The following APOOL variants were observed in gnomAD, a reference collection of about 807,000 sequenced individuals.
The protein encoded by APOOL is MICOS complex subunit MIC27.
A neutral mutation model predicts 23.1 loss-of-function variants in APOOL; 12 were observed. The ratio of observed to expected loss-of-function variants is 0.52; its 90% CI spans 0.33 to 0.84. The LOEUF (loss-of-function observed/expected upper bound fraction) is 0.84, where lower values mean the gene tolerates loss of function less well. Ranked by LOEUF, APOOL falls within the 40% of genes least tolerant of loss-of-function variation. The pLI is 0.02. For synonymous variants in APOOL, 77 were observed against 69.9 expected (o/e 1.10, Z -0.51); for missense variants, 212 against 199.6 (o/e 1.06, Z -0.37).
chrX:85,013,597 A>G (rs1921363043), intron 1 of APOOL, among the ~76,000 whole-genome samples: 1 of 111,888 alleles, frequency 8.9e-6, no homozygotes, highest in South Asian at 3.7e-4. Context: ...ATTCATTAGT[A>G]GATTATTTAA....
intron 5 of APOOL, among the ~76,000 whole-genome samples, chrX:85,065,882 T>C (rs1464473417): frequency 9.0e-6 from 1 of 111,140 alleles, no homozygotes; most frequent in Non-Finnish European, 1.9e-5. Context: ...ACTTAGGACA[T>C]TTTAATATAC....
At position 85,092,846 on chromosome X, in the gene APOOL, CAAG is replaced by C. The variant is rs760829504; in HGVS notation, c.*5173_*5175del. The C allele has an allele frequency of 4.6e-4, 149 of 324,336 alleles. 1 individual carries two copies. Among genetic ancestry groups the C allele is most frequent in the Non-Finnish European group, 6.2e-4 (117 of 188,011 alleles). The allele number at this position is 324,336 out of a possible 1,213,427, so 26.7% of individuals were successfully genotyped here. ...CATGTTCTCATATGTTTCCAAAATA[CAAG>C]AAGATCTTGCTTTTATAGTCTTGTA... On this transcript the variant is annotated 3_prime_UTR_variant, in exon 9 of 9. Coordinates refer to ENST00000373173, the MANE Select transcript of APOOL (RefSeq NM_198450.6).
chrX:85,039,222 T>G (rs1362851757), intron 1 of APOOL, among the ~76,000 whole-genome samples: 1 of 110,768 alleles, frequency 9.0e-6, no homozygotes, highest in Non-Finnish European at 1.9e-5. Context: ...TTTGAGAGAT[T>G]TTGGTATCGA....
chrX:85,051,880 T>C (rs938966751), intron 3 of APOOL, among the ~76,000 whole-genome samples: 3 of 112,030 alleles, frequency 2.7e-5, no homozygotes, highest in African/African-American at 9.7e-5. Context: ...ATAGGTCAGA[T>C]ATAACTTACT....
chrX:85,005,246 C>T (rs772027372), intron 1 of APOOL, among the ~76,000 whole-genome samples: 12 of 110,771 alleles, frequency 1.1e-4, no homozygotes, highest in Non-Finnish European at 1.9e-4. Flanking sequence ...CGGGTTCAGG[C>T]GATTCTCCTG....
intron 1 of APOOL, among the ~76,000 whole-genome samples, chrX:85,008,618 G>A (rs780788442): frequency 2.9e-5 from 3 of 103,191 alleles, no homozygotes; most frequent in Non-Finnish European, 3.9e-5. Context: ...CAGACACTTC[G>A]ATTAGACACT....
chrX:85,078,807 TC>T (rs774791341), intron 8 of APOOL, among the ~76,000 whole-genome samples: 2 of 111,398 alleles, frequency 1.8e-5, no homozygotes, highest in African/African-American at 3.3e-5. Context: ...GTCCTTCACA[TC>T]CCTTGTAAGT....
At chrX:85,017,762 A>G (rs1921528987) in intron 1 of APOOL, among the ~76,000 whole-genome samples, 1 of 111,247 alleles carries the variant, frequency 9.0e-6, no homozygotes, top group Non-Finnish European at 1.9e-5. Flanking sequence ...CCTGAAATCT[A>G]TTCCAGCTCT....
chrX:85,084,789 T>G (rs761904519), intron 8 of APOOL, among the ~76,000 whole-genome samples: 4 of 111,868 alleles, frequency 3.6e-5, no homozygotes, highest in Admixed American at 9.5e-5. Context: ...TCACCAAACT[T>G]TGAACAAGAA....
intron 2 of APOOL, among the ~76,000 whole-genome samples, chrX:85,047,276 C>T (rs1390679416): frequency 8.9e-6 from 1 of 111,742 alleles, no homozygotes; most frequent in Non-Finnish European, 1.9e-5. Context: ...GCTTTGAGTT[C>T]CTCACTATCA....
intron 1 of APOOL, among the ~76,000 whole-genome samples, chrX:85,024,476 A>G (rs957018497): frequency 8.9e-6 from 1 of 112,268 alleles, no homozygotes; most frequent in Non-Finnish European, 1.9e-5. Flanking sequence ...GTTTTTGATA[A>G]CAATCCGGAG....
chrX:85,068,577 T>C (rs1303417671), intron 6 of APOOL, among the ~76,000 whole-genome samples: 2 of 108,657 alleles, frequency 1.8e-5, no homozygotes, highest in Non-Finnish European at 3.8e-5. Flanking sequence ...AGCTAATTTT[T>C]GTATTTTTAG....
At chrX:85,056,627 C>T (rs965203713) in intron 5 of APOOL, among the ~76,000 whole-genome samples, 2 of 110,541 alleles carry the variant, frequency 1.8e-5, no homozygotes, top group Middle Eastern at 9.3e-3. Context: ...CCTGTAATCC[C>T]AGCTACTCGG....
At chrX:85,062,805 A>T (rs1175398587) in intron 5 of APOOL, among the ~76,000 whole-genome samples, 3 of 111,611 alleles carry the variant, frequency 2.7e-5, no homozygotes, top group Non-Finnish European at 5.6e-5. Context: ...TGATGGCTCC[A>T]ACTTTGTTCT....
intron 1 of APOOL, among the ~76,000 whole-genome samples, chrX:85,009,761 A>G (rs1921213728): frequency 9.0e-6 from 1 of 110,891 alleles, no homozygotes; most frequent in Admixed American, 9.6e-5. Flanking sequence ...CTCATTACCC[A>G]GTAGTTGTCT....
At position 85,090,682 on chromosome X, in the gene APOOL, C is replaced by T. The variant is rs1328302863; in HGVS notation, c.*3004C>T. Reference sequence around the variant, plus strand: ...ATGCTTTGCTCATTATTGCCTCTTTCTCTGCCTGTGCTAGTGTGTCCTCTT... The same window carrying T: ...ATGCTTTGCTCATTATTGCCTCTTTTTCTGCCTGTGCTAGTGTGTCCTCTT... On this transcript the variant is annotated 3_prime_UTR_variant, in exon 9 of 9. Transcript: ENST00000373173. The T allele has an allele frequency of 1.8e-5, 2 of 111,841 alleles. No homozygotes were observed. Among genetic ancestry groups the T allele is most frequent in the Non-Finnish European group, 3.8e-5 (2 of 53,205 alleles). 9.2% of individuals were successfully genotyped at this position (111,841 alleles called of 1,213,427 possible).
At chrX:85,034,621 C>T (rs1281866328) in intron 1 of APOOL, among the ~76,000 whole-genome samples, 1 of 111,423 alleles carries the variant, frequency 9.0e-6, no homozygotes, top group Non-Finnish European at 1.9e-5. Flanking sequence ...CCCTCCCTCC[C>T]CCATCTACTA....
rs967672121 is a variant in APOOL at position 85,054,269 on chromosome X, A to C, written c.241-75A>C. 3.4e-5 allele frequency: 31 copies of C among 917,065 alleles called. No homozygotes were observed. In the Admixed American group the frequency reaches 9.9e-4, roughly 29 times the overall value. The allele number at this position is 917,065 out of a possible 1,213,427, so 75.6% of individuals were successfully genotyped here. A position where few individuals can be genotyped will look rare whatever the true frequency, so the allele number is the denominator to read the frequency against. On this transcript the variant is annotated intron_variant, in intron 3 of 8. Coordinates refer to ENST00000373173, the MANE Select transcript of APOOL (RefSeq NM_198450.6). ...AGTCAACCTTTTAATATAATCTCAG[A>C]GATGCAGGCAATTTTATCTCATTAT...
intron 8 of APOOL, among the ~76,000 whole-genome samples, chrX:85,075,808 A>G (rs902936980): frequency 3.9e-4 from 44 of 111,654 alleles, no homozygotes; most frequent in African/African-American, 1.3e-3. Context: ...AAAGCATTCT[A>G]TGGAGACAAT....
Sources: allele counts gnomAD v4.1 joint callset (sites outside exome capture counted in the v4.1 genomes callset), GRCh38; gene constraint gnomAD v4.1.1; transcripts MANE v1.5; gene names NCBI Gene and HGNC (gene_info 2026-07-23, HGNC 2026-07-21).